Variants in PSMB2 observed in about 807,000 individuals in gnomAD.
PSMB2 encodes the protein proteasome 20S subunit beta 2.
PSMB2 carries 13 observed loss-of-function variants against 25.7 expected under a neutral mutation model. The ratio of observed to expected loss-of-function variants is 0.51; its 90% CI spans 0.33 to 0.80. The LOEUF (loss-of-function observed/expected upper bound fraction) is 0.80. Ranked by LOEUF, PSMB2 falls within the 30% of genes least tolerant of loss-of-function variation. The probability of loss-of-function intolerance (pLI) is 0.02; values close to 1 mark genes in which losing one functional copy is unlikely to be tolerated. For synonymous variants in PSMB2, 87 were observed against 96.2 expected (o/e 0.90, Z 0.56); for missense variants, 202 against 259.0 (o/e 0.78, Z 1.51).
intron 3 of PSMB2, among the ~76,000 whole-genome samples, chr1:35,620,471 G>A (rs1360374482): frequency 6.6e-6 from 1 of 152,046 alleles, no homozygotes; most frequent in Non-Finnish European, 1.5e-5. Context: ...CACCCTCTTA[G>A]CCAACAGGCT....
At chr1:35,629,805 C>T (rs111849210) in intron 3 of PSMB2, among the ~76,000 whole-genome samples, 5,774 of 149,358 alleles carry the variant, frequency 0.039, 347 homozygotes, top group African/African-American at 0.12. Flanking sequence ...AGTGAGACCC[C>T]GTCTCAAAAA....
chr1:35,605,313 C>T lies in PSMB2; in HGVS notation c.449-31G>A, dbSNP rs777605339. ...AGAGAACACAGAGACCAAATACTTCCGGTGCTGTCATTATATCCAACTCTC... is the reference window on the plus strand; with the variant it reads ...AGAGAACACAGAGACCAAATACTTCTGGTGCTGTCATTATATCCAACTCTC... On this transcript the variant is annotated intron_variant, in intron 4 of 5. Transcript: ENST00000373237. 48 of 1,601,606 alleles carry T rather than the reference C, an allele frequency of 3.0e-5. No individual in the cohort carries two copies. In the East Asian group the frequency reaches 7.6e-4, roughly 25 times the overall value.
At chr1:35,630,485 A>G (rs1460325768) in intron 3 of PSMB2, among the ~76,000 whole-genome samples, 1 of 152,252 alleles carries the variant, frequency 6.6e-6, no homozygotes, top group Non-Finnish European at 1.5e-5. Context: ...GTATATCTAG[A>G]CAATGGAGTA....
In PSMB2 at chr1:35,636,364, C is replaced by T; in HGVS notation, c.160G>A (p.Val54Ile). The T allele has an allele frequency of 6.2e-7, 1 of 1,614,084 alleles. No homozygotes were observed. The highest frequency in any genetic ancestry group is 8.5e-7 in the Non-Finnish European group (1 of 1,179,980). Residue 54 changes from valine to isoleucine, a missense_variant, in exon 2 of 6, where the codon GTA (valine) becomes ATA (isoleucine). By Grantham distance (29) the Val-to-Ile change is conservative. Transcript: ENST00000373237. ...LLCVGEAGDT[V>I]QFAEYIQKNV... ...TTCTGAATATATTCTGCAAACTGTA[C>T]AGTGTCTCCAGCCTCTCCAACACAC...
chr1:35,606,369 T>C (rs919645006), intron 4 of PSMB2, among the ~76,000 whole-genome samples: 2 of 151,996 alleles, frequency 1.3e-5, no homozygotes, highest in African/African-American at 4.8e-5. Context: ...GATACAAAAT[T>C]AATATACAAA....
intron 5 of PSMB2, among the ~76,000 whole-genome samples, chr1:35,604,724 G>A (rs1476992116): frequency 6.6e-6 from 1 of 152,166 alleles, no homozygotes; most frequent in Non-Finnish European, 1.5e-5. Context: ...AGGTTGCAGT[G>A]AGCTGAAATC....
chr1:35,636,441 A>C lies in PSMB2; in HGVS notation c.92-9T>G, dbSNP rs769170380. The stretch of plus-strand genomic sequence containing the variant: ...AAACATCTTGTCATGATCTGCTCAA[A>C]GAAGAAAACTGTGTTAGAAACTGCC... On this transcript the variant is annotated splice_polypyrimidine_tract_variant and intron_variant, in intron 1 of 5. Transcript: ENST00000373237. 1 of 1,611,698 alleles carries C rather than the reference A, an allele frequency of 6.2e-7. No homozygotes were observed. The highest frequency in any genetic ancestry group is 2.2e-5 in the East Asian group (1 of 44,778).
At chr1:35,623,498 G>A (rs61186169) in intron 3 of PSMB2, among the ~76,000 whole-genome samples, 3,070 of 152,324 alleles carry the variant, frequency 0.02, 91 homozygotes, top group East Asian at 0.062. Flanking sequence ...ATCACCAAAA[G>A]TAAGCTGGCT....
chr1:35,627,716 A>G (rs1650908601), intron 3 of PSMB2, among the ~76,000 whole-genome samples: 1 of 152,200 alleles, frequency 6.6e-6, no homozygotes, highest in African/African-American at 2.4e-5. Flanking sequence ...GAAATTGGTA[A>G]GTAGGGAAAT....
chr1:35,631,383 A>G lies in PSMB2; in HGVS notation c.215-39T>C, dbSNP rs574639878. On this transcript the variant is annotated intron_variant, in intron 2 of 5. Transcript: ENST00000373237. ...TAAAGAGTCATACTTAAAGTAAAGC[A>G]GAAGGAATAACAGTGCCCCAAATTA... 50 of 1,610,344 alleles carry G rather than the reference A, an allele frequency of 3.1e-5. 1 individual carries two copies. In the South Asian group the frequency reaches 5.3e-4, roughly 17 times the overall value.
intron 3 of PSMB2, among the ~76,000 whole-genome samples, chr1:35,612,185 G>A (rs1264131026): frequency 2.0e-5 from 3 of 152,174 alleles, no homozygotes; most frequent in African/African-American, 7.2e-5. Context: ...TTCCCAATGA[G>A]TAGCGTGCGG....
chr1:35,641,390 C>A lies in PSMB2; in HGVS notation c.43G>T (p.Val15Phe), dbSNP rs543808338. ...IGIQGPDYVL[V>F]ASDRVAASNI... is the part of the protein sequence containing the mutation. ...CTGGCGGCCACCCGGTCGGAGGCGA[C>A]AAGAACATAGTCGGGGCCTTGGATA... The change falls in exon 1 of 6, where the codon GTC (valine) becomes TTC (phenylalanine). Residue 15 changes from valine (V) to phenylalanine (F), a missense_variant. Val to Phe is a conservative substitution (Grantham distance 50, BLOSUM62 -1). Coordinates refer to ENST00000373237, the MANE Select transcript of PSMB2 (RefSeq NM_002794.5). 7 of 1,613,992 alleles carry A rather than the reference C, an allele frequency of 4.3e-6. No individual in the cohort carries two copies. In the South Asian group the frequency reaches 7.7e-5, roughly 18 times the overall value.
intron 5 of PSMB2, among the ~76,000 whole-genome samples, chr1:35,604,821 C>T (rs891980672): frequency 6.6e-6 from 1 of 152,162 alleles, no homozygotes; most frequent in African/African-American, 2.4e-5. Flanking sequence ...TCTTCAAGTA[C>T]AGCCTCAGTT....
chr1:35,640,638 CT>C (rs1415964470), intron 1 of PSMB2, among the ~76,000 whole-genome samples: 1 of 151,824 alleles, frequency 6.6e-6, no homozygotes, highest in East Asian at 1.9e-4. Context: ...CACCAGGAAA[CT>C]TATCAGAGAT....
In PSMB2 at chr1:35,600,063, G is replaced by A. The variant is rs1238919560; in HGVS notation, c.*3204C>T. ...GGGTAAGAGGTTCACTTGAGCCCAG[G>A]AGTTCAAGTGAACTTACTGCAGTAA... On this transcript the variant is annotated 3_prime_UTR_variant, in exon 6 of 6. Transcript: ENST00000373237. 1 of 705,022 alleles carries A rather than the reference G, an allele frequency of 1.4e-6. No individual in the cohort carries two copies. Among genetic ancestry groups the A allele is most frequent in the Non-Finnish European group, 1.7e-6 (1 of 574,392 alleles). The allele number at this position is 705,022 out of a possible 1,614,324, so 43.7% of individuals were successfully genotyped here.
At chr1:35,637,887 G>A (rs1422343890) in intron 1 of PSMB2, among the ~76,000 whole-genome samples, 1 of 152,200 alleles carries the variant, frequency 6.6e-6, no homozygotes, top group Non-Finnish European at 1.5e-5. Flanking sequence ...AGAAAAAGGA[G>A]CAGAAGGGTA....
At chr1:35,614,303 C>T (rs1239788300) in intron 3 of PSMB2, among the ~76,000 whole-genome samples, 1 of 152,202 alleles carries the variant, frequency 6.6e-6, no homozygotes, top group African/African-American at 2.4e-5. Flanking sequence ...ATGTTACATA[C>T]TTAAGGATTT....
intron 3 of PSMB2, among the ~76,000 whole-genome samples, chr1:35,630,711 TAC>T (rs1277819726): frequency 6.6e-6 from 1 of 152,076 alleles, no homozygotes; most frequent in Non-Finnish European, 1.5e-5. Context: ...ATAAGTAGAG[TAC>T]AAAGGATTTT....
At chr1:35,629,797 T>C (rs1651035110) in intron 3 of PSMB2, among the ~76,000 whole-genome samples, 2 of 148,058 alleles carry the variant, frequency 1.4e-5, no homozygotes, top group Admixed American at 1.4e-4. Flanking sequence ...GCAACTGGAG[T>C]GAGACCCCGT....
Sources: gnomAD v4.1 joint callset for allele counts (sites outside exome capture counted in the v4.1 genomes callset) on GRCh38, gnomAD v4.1.1 for gene constraint, MANE v1.5 for transcripts, NCBI Gene and HGNC (gene_info 2026-07-23, HGNC 2026-07-21) for gene names.